USP7: variants seen among roughly 807,000 people sequenced by gnomAD.
USP7 encodes the protein ubiquitin C-terminal hydrolase 7.
Under a neutral mutation model 162.9 loss-of-function variants are expected in USP7, and 9 were observed. That is an observed-to-expected ratio of 0.06 (90% CI 0.03 to 0.10). USP7 has a LOEUF of 0.10. Ranked by LOEUF, USP7 falls within the 10% of genes least tolerant of loss-of-function variation. USP7 has a pLI of 1.00. For missense variants in USP7, 715 were observed against 1,373.7 expected, an observed-to-expected ratio of 0.52 and a Z score of 7.58; for synonymous variants, 562 against 475.9, an observed-to-expected ratio of 1.18 and a Z score of -2.35.
intron 1 of USP7, among the ~76,000 whole-genome samples, chr16:8,935,463 G>A (rs576188415): frequency 1.3e-5 from 2 of 152,210 alleles, no homozygotes; most frequent in African/African-American, 4.8e-5. Context: ...TGCGCACCTC[G>A]GCCTCCCAAA....
chr16:8,929,643 T>C (rs1354783974), intron 2 of USP7: 2 of 453,858 alleles, frequency 4.4e-6, no homozygotes, highest in African/African-American at 4.0e-5. Context: ...ATACTGCAAT[T>C]ACTGGCTGCT....
At chr16:8,957,266 C>T (rs1259152378) in intron 1 of USP7, among the ~76,000 whole-genome samples, 1 of 152,170 alleles carries the variant, frequency 6.6e-6, no homozygotes, top group East Asian at 1.9e-4. Context: ...ACCCTGCTTC[C>T]TCCAACTTTC....
chr16:8,952,999 G>C (rs928459005), intron 1 of USP7, among the ~76,000 whole-genome samples: 1 of 152,080 alleles, frequency 6.6e-6, no homozygotes, highest in African/African-American at 2.4e-5. Context: ...ACCATGCCAG[G>C]CTATTTTTTG....
intron 7 of USP7, 146 bp from the exon 8 acceptor site, chr16:8,916,702 A>G: frequency 1.1e-6 from 1 of 872,706 alleles, no homozygotes; most frequent in Non-Finnish European, 1.7e-6. Flanking sequence ...GGGAGTCATA[A>G]TTCAAAGATA....
chr16:8,958,727 G>T (rs534703113), intron 1 of USP7, among the ~76,000 whole-genome samples: 1 of 152,210 alleles, frequency 6.6e-6, no homozygotes, highest in African/African-American at 2.4e-5. Context: ...TAGCACTCAC[G>T]CAAGAATCAT....
chr16:8,916,987 G>C (rs202136325), intron 7 of USP7, 39 bp downstream of exon 7: 1 of 1,106,896 alleles, frequency 9.0e-7, no homozygotes, highest in East Asian at 3.5e-5. Flanking sequence ...AAAAAAAAAA[G>C]AGGAAGCAGA....
chr16:8,923,539 A>C (rs1385162258), intron 2 of USP7, 126 bp from the exon 3 acceptor site: 1 of 961,776 alleles, frequency 1.0e-6, no homozygotes, highest in Non-Finnish European at 1.5e-6. Context: ...AGTTTGAAAA[A>C]ATTGCTTCCA....
chr16:8,892,719 C>T lies in USP7; in HGVS notation c.*1279G>A, dbSNP rs138918649. On this transcript the variant is annotated 3_prime_UTR_variant, in exon 31 of 31. Transcript: ENST00000344836. ...GTTACAAATGCCAAGGTTTCCCAGGCCTGTTTCCAGGGAGAGTAGAAATCT... is the reference window on the plus strand; with the variant it reads ...GTTACAAATGCCAAGGTTTCCCAGGTCTGTTTCCAGGGAGAGTAGAAATCT... 357 of 152,116 alleles carry T rather than the reference C, an allele frequency of 2.3e-3. 2 individuals carry two copies. The highest frequency in any genetic ancestry group is 8.4e-3 in the African/African-American group (347 of 41,494). The allele number at this position is 152,116 out of a possible 1,614,324, so 9.4% of individuals were successfully genotyped here. A position where few individuals can be genotyped will look rare whatever the true frequency, so the allele number is the denominator to read the frequency against.
chr16:8,897,602 C>T (rs2061703082), intron 25 of USP7, among the ~76,000 whole-genome samples: 1 of 147,026 alleles, frequency 6.8e-6, no homozygotes, highest in South Asian at 2.2e-4. Context: ...CCACCTAATG[C>T]CTGTAATGCC....
At chr16:8,927,315 A>G (rs1898064908) in intron 2 of USP7, among the ~76,000 whole-genome samples, 1 of 151,536 alleles carries the variant, frequency 6.6e-6, no homozygotes, top group Non-Finnish European at 1.5e-5. Context: ...AGAAAAAAAG[A>G]AAAAGAAAAA....
chr16:8,917,857 T>C (rs982292813), intron 6 of USP7, among the ~76,000 whole-genome samples: 2 of 152,052 alleles, frequency 1.3e-5, no homozygotes, highest in African/African-American at 2.4e-5. Context: ...TGGCGTGATC[T>C]TGGCTCACTG....
At chr16:8,936,645 G>C in intron 1 of USP7, 1 of 1,554,682 alleles carries the variant, frequency 6.4e-7, no homozygotes, top group East Asian at 2.4e-5. Flanking sequence ...CCTCTGCTGG[G>C]GGATGGGGGA....
chr16:8,920,820 G>A (rs755221500), intron 4 of USP7, among the ~76,000 whole-genome samples: 39 of 152,306 alleles, frequency 2.6e-4, no homozygotes, highest in Admixed American at 3.3e-4. Context: ...GCAAAAAGCA[G>A]CCAAAGTGAA....
At chr16:8,909,875 G>A (rs895524929) in intron 11 of USP7, among the ~76,000 whole-genome samples, 23 of 152,062 alleles carry the variant, frequency 1.5e-4, no homozygotes, top group African/African-American at 5.1e-4. Flanking sequence ...GCAGTGAGTC[G>A]AGATCGCGCC....
At chr16:8,917,557 T>C (rs1241924904) in intron 6 of USP7, among the ~76,000 whole-genome samples, 1 of 151,960 alleles carries the variant, frequency 6.6e-6, no homozygotes, top group African/African-American at 2.4e-5. Flanking sequence ...TTATGAATTT[T>C]CAGGAGAGAC....
Position 8,923,282 on chromosome 16 carries a change from A to G in USP7, c.316T>C (p.Tyr106His), listed in dbSNP as rs1897805133. The G allele has an allele frequency of 1.9e-6, 3 of 1,582,632 alleles. No individual in the cohort carries two copies. Among genetic ancestry groups the G allele is most frequent in the Non-Finnish European group, 2.6e-6 (3 of 1,165,902 alleles). Residue 106 changes from tyrosine to histidine, a missense_variant, in exon 3 of 31, where the codon TAT (tyrosine) becomes CAT (histidine). Coordinates refer to ENST00000344836, the MANE Select transcript of USP7 (RefSeq NM_003470.3). ...PWKIMVMPRFYPDRPHQKSVG... is the reference protein window; with the variant it reads ...PWKIMVMPRFHPDRPHQKSVG... ...CTTTTTTGGTGTGGTCTGTCTGGAT[A>G]AAAGCGTGGCATCACCATAATCTTC... is the stretch of plus-strand genomic sequence containing the variant.
At chr16:8,963,074 A>T in intron 1 of USP7, 133 bp downstream of exon 1, 1 of 733,300 alleles carries the variant, frequency 1.4e-6, no homozygotes, top group Non-Finnish European at 1.8e-6. Flanking sequence ...CGGGGCCGGG[A>T]GGCCAGGCCG....
intron 1 of USP7, among the ~76,000 whole-genome samples, chr16:8,959,725 C>G (rs1158277496): frequency 6.6e-6 from 1 of 152,200 alleles, no homozygotes; most frequent in Non-Finnish European, 1.5e-5. Flanking sequence ...GTTTATCTGG[C>G]TGGGTGTGTT....
intron 1 of USP7, among the ~76,000 whole-genome samples, chr16:8,956,780 A>AAC (rs1555472215): frequency 2.7e-5 from 4 of 149,234 alleles, no homozygotes; most frequent in African/African-American, 4.9e-5. Context: ...CAAAAACAAA[A>AAC]AAAAAAAAAC....
Sources: gnomAD v4.1 joint callset for allele counts (sites outside exome capture counted in the v4.1 genomes callset) on GRCh38, gnomAD v4.1.1 for gene constraint, MANE v1.5 for transcripts, NCBI Gene and HGNC (gene_info 2026-07-23, HGNC 2026-07-21) for gene names.